SYN2: variants seen among roughly 807,000 people sequenced by gnomAD.
SYN2 encodes synapsin-2.
A neutral mutation model predicts 50.9 loss-of-function variants in SYN2; 19 were observed. That is an observed-to-expected ratio of 0.37 (90% confidence interval 0.26 to 0.55). The LOEUF (loss-of-function observed/expected upper bound fraction) is 0.55. Among genes scored for constraint, SYN2 ranks in the 20% least tolerant of loss-of-function variants. The pLI is 0.81. For synonymous variants in SYN2, 255 were observed against 224.9 expected, an observed-to-expected ratio of 1.13 and a Z score of -1.20; for missense variants, 587 against 576.4, an observed-to-expected ratio of 1.02 and a Z score of -0.19.
At position 12,183,312 on chromosome 3, in the gene SYN2, A is replaced by C. The variant is rs377444071; in HGVS notation, c.1309A>C (p.Ser437Arg). 10 of 1,606,990 alleles carry C rather than the reference A, an allele frequency of 6.2e-6. No homozygotes were observed. Among genetic ancestry groups the C allele is most frequent in the Non-Finnish European group, 8.5e-6 (10 of 1,178,208 alleles). Residue 437 changes from serine to arginine, a missense_variant and splice_region_variant, in exon 11 of 13, where the codon AGC (serine) becomes CGC (arginine). Transcript: ENST00000621198. Reference protein sequence around the residue: ...QRPLTTQQPQSGTLKDPDSSK... With the variant: ...QRPLTTQQPQRGTLKDPDSSK... Reference sequence around the variant, plus strand: ...TATCTCTTACATTTTTGTCTTCCAGAGCGGAACACTTAAGGATCCGGACTC... The same window carrying C: ...TATCTCTTACATTTTTGTCTTCCAGCGCGGAACACTTAAGGATCCGGACTC...
At chr3:12,154,384 C>G in intron 5 of SYN2, 4 of 1,614,208 alleles carry the variant, frequency 2.5e-6, no homozygotes, top group Non-Finnish European at 3.4e-6. Flanking sequence ...GCACCAAGGA[C>G]AGGTCCTCCC....
At chr3:12,157,373 G>A (rs763056611) in intron 5 of SYN2, 1 of 1,612,594 alleles carries the variant, frequency 6.2e-7, no homozygotes, top group East Asian at 2.2e-5. Context: ...ATCCCAGCCT[G>A]CCCCCATGTA....
chr3:12,141,924 A>G lies in SYN2; in HGVS notation c.455A>G (p.Asn152Ser), dbSNP rs1271735234. ...TTCCAGGCAGAATTTTCAGAGCTCAACCTGGTGGCCCATGCAGATGGCACC... is the reference window on the plus strand; with the variant it reads ...TTCCAGGCAGAATTTTCAGAGCTCAGCCTGGTGGCCCATGCAGATGGCACC... Reference protein sequence around the residue: ...KVEQAEFSELNLVAHADGTYA... With the variant: ...KVEQAEFSELSLVAHADGTYA... Residue 152 changes from asparagine (N) to serine (S), a missense_variant, in exon 3 of 13, where the codon AAC (asparagine) becomes AGC (serine). Physicochemically the swap from Asn to Ser is conservative, Grantham distance 46. Coordinates refer to ENST00000621198, the MANE Select transcript of SYN2 (RefSeq NM_133625.6). The G allele has an allele frequency of 5.1e-6, 4 of 780,798 alleles. No homozygotes were observed. Among genetic ancestry groups the G allele is most frequent in the Non-Finnish European group, 7.2e-6 (3 of 417,934 alleles). The allele number at this position is 780,798 out of a possible 1,614,324, so 48.4% of individuals were successfully genotyped here.
chr3:12,078,508 A>G (rs749149359), intron 1 of SYN2, among the ~76,000 whole-genome samples: 1 of 152,188 alleles, frequency 6.6e-6, no homozygotes, highest in Non-Finnish European at 1.5e-5. Flanking sequence ...GTCCAGTTTC[A>G]ATTTTCTGCA....
intron 1 of SYN2, among the ~76,000 whole-genome samples, chr3:12,033,321 G>A (rs183117301): frequency 1.8e-3 from 268 of 152,296 alleles, no homozygotes; most frequent in African/African-American, 6.0e-3. Flanking sequence ...CGTCTTCTGC[G>A]TTGCTCACGC....
intron 1 of SYN2, among the ~76,000 whole-genome samples, chr3:12,095,573 A>ACATTGGCCGGGCAC (rs1695915113): frequency 1.1e-5 from 1 of 94,286 alleles, no homozygotes; most frequent in Non-Finnish European, 2.0e-5. Context: ...AAAAAAAAAA[A>ACATTGGCCGGGCAC]GGACCATCAT....
chr3:12,098,642 G>C (rs962103877), intron 1 of SYN2, among the ~76,000 whole-genome samples: 1 of 151,492 alleles, frequency 6.6e-6, no homozygotes, highest in Non-Finnish European at 1.5e-5. Context: ...ATTAATGGAG[G>C]AATAGGGGAA....
At chr3:12,022,256 C>T (rs1694157069) in intron 1 of SYN2, among the ~76,000 whole-genome samples, 1 of 152,096 alleles carries the variant, frequency 6.6e-6, no homozygotes, top group Non-Finnish European at 1.5e-5. Context: ...GAAGAAATTT[C>T]AAGTTCTTGG....
chr3:12,051,316 C>T (rs1217092671), intron 1 of SYN2, among the ~76,000 whole-genome samples: 5 of 149,418 alleles, frequency 3.3e-5, no homozygotes, highest in Non-Finnish European at 5.9e-5. Context: ...TTCAAGTTCC[C>T]TGGTGGCTTT....
intron 1 of SYN2, chr3:12,070,849 G>A: frequency 1.7e-6 from 1 of 583,972 alleles, no homozygotes; most frequent in Non-Finnish European, 3.4e-6. Context: ...CACCATGGCT[G>A]AGTGGGAGAT....
intron 1 of SYN2, among the ~76,000 whole-genome samples, chr3:12,093,020 G>A (rs1348633068): frequency 6.6e-6 from 1 of 151,952 alleles, no homozygotes; most frequent in Non-Finnish European, 1.5e-5. Flanking sequence ...TCTCCCACAG[G>A]GTGCCTTTGA....
chr3:12,177,180 G>C (rs1464196439), intron 10 of SYN2, among the ~76,000 whole-genome samples: 1 of 152,184 alleles, frequency 6.6e-6, no homozygotes, highest in Non-Finnish European at 1.5e-5. Flanking sequence ...GGTATGAAGA[G>C]AAACAGAACA....
chr3:12,063,708 C>A (rs1695157532), intron 1 of SYN2, among the ~76,000 whole-genome samples: 2 of 151,800 alleles, frequency 1.3e-5, no homozygotes, highest in African/African-American at 2.4e-5. Context: ...GTCAAAAGAG[C>A]CTGAAGCCCA....
chr3:12,085,865 C>A (rs912540229), intron 1 of SYN2, among the ~76,000 whole-genome samples: 5 of 151,882 alleles, frequency 3.3e-5, no homozygotes, highest in Non-Finnish European at 5.9e-5. Context: ...AGAGTAATCC[C>A]AAACTTAGCA....
intron 1 of SYN2, among the ~76,000 whole-genome samples, chr3:12,123,672 G>A (rs1320813868): frequency 4.6e-5 from 7 of 152,086 alleles, no homozygotes; most frequent in Non-Finnish European, 8.8e-5. Flanking sequence ...TTTAGGCCAG[G>A]CACAGTGGCT....
At chr3:12,097,502 A>G (rs1187930935) in intron 1 of SYN2, among the ~76,000 whole-genome samples, 4 of 151,878 alleles carry the variant, frequency 2.6e-5, no homozygotes, top group Admixed American at 1.3e-4. Flanking sequence ...GCTACTCGGG[A>G]GGCTGAGGCA....
intron 1 of SYN2, among the ~76,000 whole-genome samples, chr3:12,095,238 A>G (rs1278233830): frequency 6.6e-6 from 1 of 151,520 alleles, no homozygotes; most frequent in Non-Finnish European, 1.5e-5. Flanking sequence ...TTACACTAAA[A>G]TAGCTCTTTT....
At chr3:12,030,240 G>C (rs868788084) in intron 1 of SYN2, among the ~76,000 whole-genome samples, 2 of 121,848 alleles carry the variant, frequency 1.6e-5, no homozygotes, top group African/African-American at 5.7e-5. Flanking sequence ...ACTTGATCAT[G>C]GTGGATAAGC....
chr3:12,047,868 A>C (rs1694774064), intron 1 of SYN2, among the ~76,000 whole-genome samples: 1 of 152,224 alleles, frequency 6.6e-6, no homozygotes. Context: ...ATTTGAAGAA[A>C]GCATTTAACC....
Sources: allele counts gnomAD v4.1 joint callset (sites outside exome capture counted in the v4.1 genomes callset), GRCh38; gene constraint gnomAD v4.1.1; transcripts MANE v1.5; gene names NCBI Gene and HGNC (gene_info 2026-07-23, HGNC 2026-07-21).